Variants in RBFOX1 observed in about 807,000 individuals in gnomAD.
The protein encoded by RBFOX1 is RNA binding fox-1 homolog 1, also known as RNA binding protein fox-1 homolog 1.
A neutral mutation model predicts 57.7 loss-of-function variants in RBFOX1; 8 were observed. The observed-to-expected ratio is 0.14, with a 90% CI of 0.08 to 0.25. The LOEUF (loss-of-function observed/expected upper bound fraction) is 0.25, where lower values mean the gene tolerates loss of function less well. Ranked by LOEUF, RBFOX1 falls within the 10% of genes least tolerant of loss-of-function variation. The pLI is 1.00. For synonymous variants in RBFOX1, 326 were observed against 222.4 expected (o/e 1.47, Z -4.15); for missense variants, 611 against 548.5 (o/e 1.11, Z -1.14).
At chr16:6,892,074 G>C (rs910782411) in intron 3 of RBFOX1, among the ~76,000 whole-genome samples, 5 of 152,104 alleles carry the variant, frequency 3.3e-5, no homozygotes, top group African/African-American at 1.2e-4. Flanking sequence ...GGATGACATA[G>C]ATCCCATTTC....
intron 3 of RBFOX1, among the ~76,000 whole-genome samples, chr16:5,705,431 T>G (rs1238008834): frequency 6.6e-6 from 1 of 152,144 alleles, no homozygotes; most frequent in Non-Finnish European, 1.5e-5. Context: ...ACAGATAATT[T>G]TTTAATTTTT....
At chr16:7,428,734 T>C (rs2098648667) in intron 4 of RBFOX1, among the ~76,000 whole-genome samples, 1 of 151,952 alleles carries the variant, frequency 6.6e-6, no homozygotes, top group Non-Finnish European at 1.5e-5. Flanking sequence ...ATTTGAGTGT[T>C]CACACAATGA....
chr16:7,433,801 G>A (rs904792902), intron 4 of RBFOX1, among the ~76,000 whole-genome samples: 2 of 151,984 alleles, frequency 1.3e-5, no homozygotes, highest in African/African-American at 4.8e-5. Flanking sequence ...CAGACAGCTA[G>A]CCAGCCAGCC....
At chr16:5,517,383 C>A (rs746879002) in intron 2 of RBFOX1, among the ~76,000 whole-genome samples, 1 of 152,180 alleles carries the variant, frequency 6.6e-6, no homozygotes, top group African/African-American at 2.4e-5. Flanking sequence ...ACTCATCTAC[C>A]CTTGTCCAGC....
chr16:6,903,693 C>G (rs899877553), intron 3 of RBFOX1, among the ~76,000 whole-genome samples: 1 of 152,062 alleles, frequency 6.6e-6, no homozygotes, highest in Non-Finnish European at 1.5e-5. Flanking sequence ...TTCAGAAAGT[C>G]TTTAAGGGCA....
In RBFOX1 at chr16:7,253,318, G is replaced by A. The variant is rs7189683; in HGVS notation, c.27+201220G>A. Among the ~76,000 whole-genome samples, 603 of 152,298 alleles carry A rather than the reference G, an allele frequency of 4.0e-3. 9 individuals are homozygous for A. The highest frequency in any genetic ancestry group is 0.014 in the African/African-American group (564 of 41,562). On this transcript the variant is annotated intron_variant, in intron 4 of 15. Transcript: ENST00000550418. The stretch of plus-strand genomic sequence containing the variant: ...TATTCAGAAATTCGTGTTGATGTCA[G>A]TGGCAACAAGGAAGAGCGGAGACAT...
intron 4 of RBFOX1, among the ~76,000 whole-genome samples, chr16:7,170,537 C>T (rs1389492057): frequency 6.6e-6 from 1 of 152,092 alleles, no homozygotes; most frequent in Admixed American, 6.6e-5. Flanking sequence ...ATTGCAAGTG[C>T]GAGCCACCAC....
At chr16:5,611,814 C>G (rs2047822226) in intron 3 of RBFOX1, among the ~76,000 whole-genome samples, 1 of 129,636 alleles carries the variant, frequency 7.7e-6, no homozygotes, top group African/African-American at 2.8e-5. Context: ...ACCCACCCAC[C>G]CACCCATTCA....
chr16:7,637,730 C>T (rs12924641), intron 11 of RBFOX1, among the ~76,000 whole-genome samples: 1 of 151,976 alleles, frequency 6.6e-6, no homozygotes, highest in African/African-American at 2.4e-5. Context: ...CAGCTTCTTG[C>T]TTTCCTCCTA....
chr16:6,591,861 G>C (rs2097715879), intron 2 of RBFOX1, among the ~76,000 whole-genome samples: 1 of 152,150 alleles, frequency 6.6e-6, no homozygotes, highest in South Asian at 2.1e-4. Flanking sequence ...CCTTTTGAAA[G>C]AATTTGGGAA....
At chr16:6,575,869 A>G (rs2097426858) in intron 2 of RBFOX1, among the ~76,000 whole-genome samples, 1 of 147,318 alleles carries the variant, frequency 6.8e-6, no homozygotes. Context: ...TAAAAAATAA[A>G]TAAATAAATA....
At chr16:6,572,012 A>C (rs2097351454) in intron 2 of RBFOX1, among the ~76,000 whole-genome samples, 1 of 152,266 alleles carries the variant, frequency 6.6e-6, no homozygotes, top group East Asian at 1.9e-4. Flanking sequence ...ATACCTTTAC[A>C]TGGCCTGTAT....
At chr16:7,224,005 A>G (rs1290303811) in intron 4 of RBFOX1, among the ~76,000 whole-genome samples, 1 of 151,910 alleles carries the variant, frequency 6.6e-6, no homozygotes, top group African/African-American at 2.4e-5. Context: ...GTACATAAGT[A>G]AAGTACATAT....
chr16:5,684,580 A>C (rs900168570), intron 3 of RBFOX1, among the ~76,000 whole-genome samples: 3 of 152,156 alleles, frequency 2.0e-5, no homozygotes, highest in Admixed American at 2.0e-4. Context: ...AAGGACGGAC[A>C]CTTGTTTATA....
chr16:7,039,166 G>C (rs73541040), intron 3 of RBFOX1, among the ~76,000 whole-genome samples: 7,356 of 152,218 alleles, frequency 0.048, 586 homozygotes, highest in African/African-American at 0.17. Context: ...AAGTATTCCC[G>C]AGGACTCTTA....
At chr16:7,262,066 G>A (rs1195926199) in intron 4 of RBFOX1, among the ~76,000 whole-genome samples, 1 of 152,102 alleles carries the variant, frequency 6.6e-6, no homozygotes, top group Non-Finnish European at 1.5e-5. Flanking sequence ...CTTTTTGGAG[G>A]TTTCACTATG....
intron 5 of RBFOX1, among the ~76,000 whole-genome samples, chr16:7,566,577 G>A (rs2091735123): frequency 6.6e-6 from 1 of 152,132 alleles, no homozygotes; most frequent in Admixed American, 6.5e-5. Context: ...TTTCCTAGTT[G>A]TTATGGCGAC....
intron 12 of RBFOX1, among the ~76,000 whole-genome samples, chr16:7,655,207 A>AAAT (rs1392984340): frequency 6.6e-6 from 1 of 152,228 alleles, no homozygotes; most frequent in African/African-American, 2.4e-5. Context: ...TTTGTTTCAA[A>AAAT]AATAAATGCA....
intron 3 of RBFOX1, among the ~76,000 whole-genome samples, chr16:5,866,599 C>G (rs564094835): frequency 6.6e-6 from 1 of 152,184 alleles, no homozygotes; most frequent in Non-Finnish European, 1.5e-5. Flanking sequence ...ACACCAAATC[C>G]TTTGATATAC....
Sources: allele counts gnomAD v4.1 joint callset (sites outside exome capture counted in the v4.1 genomes callset), GRCh38; gene constraint gnomAD v4.1.1; transcripts MANE v1.5; gene names NCBI Gene and HGNC (gene_info 2026-07-23, HGNC 2026-07-21).